The following KLF15 variants were observed in gnomAD, a reference collection of about 807,000 sequenced individuals.
KLF15 encodes KLF transcription factor 15, also known as Krueppel-like factor 15.
KLF15 carries 4 observed loss-of-function variants against 24.6 expected under a neutral mutation model. The ratio of observed to expected loss-of-function variants is 0.16; its 90% CI spans 0.08 to 0.37. The LOEUF (loss-of-function observed/expected upper bound fraction) is 0.37, where lower values mean the gene tolerates loss of function less well. Ranked by LOEUF, KLF15 falls within the 10% of genes least tolerant of loss-of-function variation. The pLI is 1.00. For missense variants in KLF15, 496 were observed against 560.6 expected (o/e 0.88, Z 1.16); for synonymous variants, 246 against 236.3 (o/e 1.04, Z -0.37).
chr3:126,316,454 GTC>G, the KLF15 span, among the ~76,000 whole-genome samples: 5 of 26,288 alleles, frequency 1.9e-4, no homozygotes, highest in African/African-American at 1.0e-3. Flanking sequence ...GGGGAAGGGA[GTC>G]TATGGGCCGG....
chr3:126,339,381 C>T (rs2082462472), downstream of KLF15, among the ~76,000 whole-genome samples: 1 of 152,200 alleles, frequency 6.6e-6, no homozygotes. Flanking sequence ...TGGTGCCCTC[C>T]CACTACAGCC....
At chr3:126,296,792 G>T in the KLF15 span, among the ~76,000 whole-genome samples, 1 of 152,320 alleles carries the variant, frequency 6.6e-6, no homozygotes, top group Non-Finnish European at 1.5e-5. Context: ...GGAAAAGTTG[G>T]CAGTTGTTAT....
chr3:126,306,352 G>A, the KLF15 span, among the ~76,000 whole-genome samples: 51,803 of 152,022 alleles, frequency 0.34, 9,629 homozygotes, highest in Non-Finnish European at 0.43. Context: ...ATATCACTTC[G>A]AAATCACATG....
the KLF15 span, among the ~76,000 whole-genome samples, chr3:126,313,259 G>C: frequency 1.3e-5 from 2 of 152,174 alleles, no homozygotes; most frequent in African/African-American, 4.8e-5. Flanking sequence ...ACAGGCCGTG[G>C]GAGAATCCAA....
chr3:126,347,692 G>A (rs544266173), intron 2 of KLF15, among the ~76,000 whole-genome samples: 91 of 152,316 alleles, frequency 6.0e-4, no homozygotes, highest in Non-Finnish European at 1.1e-3. Context: ...CTTCCCAGAC[G>A]GCTGGATCAG....
chr3:126,337,324 G>A, the KLF15 span, among the ~76,000 whole-genome samples: 7 of 138,550 alleles, frequency 5.1e-5, no homozygotes, highest in Non-Finnish European at 1.1e-4. Context: ...ACTATCGCAA[G>A]AACAAAAAAC....
At chr3:126,293,314 T>C in the KLF15 span, among the ~76,000 whole-genome samples, 3 of 152,066 alleles carry the variant, frequency 2.0e-5, no homozygotes, top group African/African-American at 7.2e-5. Flanking sequence ...AGGCCCTGTC[T>C]CAAAAAGAAA....
the KLF15 span, among the ~76,000 whole-genome samples, chr3:126,308,205 G>A: frequency 6.6e-6 from 1 of 152,186 alleles, no homozygotes; most frequent in South Asian, 2.1e-4. Context: ...TGGAGGGCAG[G>A]CAGGAAGCGA....
chr3:126,342,182 C>T (rs1341049992), downstream of KLF15, among the ~76,000 whole-genome samples: 1 of 152,186 alleles, frequency 6.6e-6, no homozygotes, highest in Non-Finnish European at 1.5e-5. Context: ...CAATTACCCA[C>T]GCCAGTAGGA....
chr3:126,340,054 A>G (rs2082468774), downstream of KLF15, among the ~76,000 whole-genome samples: 1 of 152,104 alleles, frequency 6.6e-6, no homozygotes, highest in Non-Finnish European at 1.5e-5. Flanking sequence ...GGGGAGCTGA[A>G]CTCACCTGGC....
intron 2 of KLF15, among the ~76,000 whole-genome samples, chr3:126,344,453 TA>T (rs1166061703): frequency 6.6e-6 from 1 of 152,132 alleles, no homozygotes; most frequent in East Asian, 1.9e-4. Context: ...GAGCAGCTGG[TA>T]AAAGCTCCCA....
chr3:126,291,572 C>A, the KLF15 span, among the ~76,000 whole-genome samples: 2 of 152,364 alleles, frequency 1.3e-5, no homozygotes, highest in South Asian at 2.1e-4. Context: ...GTTCCTAAAC[C>A]ACAGCAGCAA....
downstream of KLF15, among the ~76,000 whole-genome samples, chr3:126,341,324 G>A (rs960056916): frequency 1.3e-5 from 2 of 152,196 alleles, no homozygotes; most frequent in East Asian, 1.9e-4. Flanking sequence ...CAGCGTGTCC[G>A]GCCGGTCCTT....
the KLF15 span, among the ~76,000 whole-genome samples, chr3:126,315,334 A>G: frequency 6.6e-6 from 1 of 152,232 alleles, no homozygotes; most frequent in African/African-American, 2.4e-5. Context: ...AGTTAGAGTT[A>G]GAACATATCT....
At chr3:126,320,017 G>C in the KLF15 span, among the ~76,000 whole-genome samples, 1 of 152,208 alleles carries the variant, frequency 6.6e-6, no homozygotes, top group Non-Finnish European at 1.5e-5. Flanking sequence ...AGCTGGCCAG[G>C]CTGGAGCAGG....
chr3:126,307,021 G>A, the KLF15 span, among the ~76,000 whole-genome samples: 1 of 152,170 alleles, frequency 6.6e-6, no homozygotes, highest in South Asian at 2.1e-4. Flanking sequence ...ACTCCAGGCT[G>A]CTCTTAACCA....
At chr3:126,317,439 C>A in the KLF15 span, among the ~76,000 whole-genome samples, 1 of 152,130 alleles carries the variant, frequency 6.6e-6, no homozygotes, top group Non-Finnish European at 1.5e-5. Context: ...TCAGCAACTT[C>A]GCGATAAGAT....
the KLF15 span, among the ~76,000 whole-genome samples, chr3:126,305,630 C>A: frequency 0.42 from 63,924 of 151,786 alleles, 13,692 homozygotes; most frequent in African/African-American, 0.46. Flanking sequence ...GTCACACTTA[C>A]TGCAAGGGAG....
the KLF15 span, among the ~76,000 whole-genome samples, chr3:126,331,999 C>T: frequency 1.3e-5 from 2 of 152,168 alleles, no homozygotes; most frequent in African/African-American, 4.8e-5. Flanking sequence ...GGGGGAGGGG[C>T]GCCCGCCATT....
Sources: gnomAD v4.1 joint callset for allele counts (sites outside exome capture counted in the v4.1 genomes callset) on GRCh38, gnomAD v4.1.1 for gene constraint, MANE v1.5 for transcripts, NCBI Gene and HGNC (gene_info 2026-07-23, HGNC 2026-07-21) for gene names.